Variants in PLXNA2 observed in about 807,000 individuals in gnomAD.
PLXNA2 encodes plexin A2, also known as plexin-A2.
A neutral mutation model predicts 193.5 loss-of-function variants in PLXNA2; 91 were observed. That is an observed-to-expected ratio of 0.47 (90% confidence interval 0.40 to 0.56). The LOEUF is 0.56. Among genes scored for constraint, PLXNA2 ranks in the 20% least tolerant of loss-of-function variants. PLXNA2 has a pLI of 0.00. For missense variants in PLXNA2, 1,995 were observed against 2,503.2 expected (o/e 0.80, Z 4.33); for synonymous variants, 997 against 1,027.3 (o/e 0.97, Z 0.56).
chr1:208,170,138 A>G lies in PLXNA2; in HGVS notation c.1372-27675T>C, dbSNP rs536389186. Among the ~76,000 whole-genome samples, 43 of 152,328 alleles carry G rather than the reference A, an allele frequency of 2.8e-4. No homozygotes were observed. In the Middle Eastern group the frequency reaches 0.014, roughly 48 times the overall value. ...TGATAGGTATATTGTTCTCAGCATC[A>G]CCAGACTGCCAGAGGCTGCTTAAGT... On this transcript the variant is annotated intron_variant, in intron 3 of 31. Transcript: ENST00000367033.
At chr1:208,147,195 A>AT (rs559940646) in intron 3 of PLXNA2, among the ~76,000 whole-genome samples, 27 of 148,714 alleles carry the variant, frequency 1.8e-4, no homozygotes, top group Middle Eastern at 3.4e-3. Flanking sequence ...CTACTTTTTA[A>AT]TTTTTTTTTT....
At chr1:208,133,731 T>G (rs1668225962) in intron 4 of PLXNA2, among the ~76,000 whole-genome samples, 1 of 152,252 alleles carries the variant, frequency 6.6e-6, no homozygotes, top group Non-Finnish European at 1.5e-5. Flanking sequence ...TGTTCACTCT[T>G]GTCTGTGCTG....
At chr1:208,105,402 G>C (rs1331515662) in intron 4 of PLXNA2, among the ~76,000 whole-genome samples, 1 of 152,234 alleles carries the variant, frequency 6.6e-6, no homozygotes, top group African/African-American at 2.4e-5. Context: ...CCAAAGGCTG[G>C]AAGAAAGGAT....
At chr1:208,052,012 A>G (rs6540451) in intron 15 of PLXNA2, among the ~76,000 whole-genome samples, 73,894 of 151,970 alleles carry the variant, frequency 0.49, 18,770 homozygotes, top group Non-Finnish European at 0.57. Context: ...GTGTTTTTCA[A>G]GTCACCATAG....
Position 208,124,618 on chromosome 1 carries a change from G to T in PLXNA2, c.1506+17711C>A, listed in dbSNP as rs557980710. ...CCCTTGAACCCGGTAGGCAGAGGTTGCAGTGAGCCAAGATCATGTGATTGC... is the reference window on the plus strand; with the variant it reads ...CCCTTGAACCCGGTAGGCAGAGGTTTCAGTGAGCCAAGATCATGTGATTGC... On this transcript the variant is annotated intron_variant, in intron 4 of 31. Coordinates refer to ENST00000367033, the MANE Select transcript of PLXNA2 (RefSeq NM_025179.4). 7.3e-4 allele frequency among the ~76,000 whole-genome samples: 105 copies of T among 143,516 alleles called. No individual in the cohort carries two copies. In the South Asian group the frequency reaches 0.02, roughly 27 times the overall value. 94.2% of individuals were successfully genotyped at this position (143,516 alleles called of 152,430 possible). A position where few individuals can be genotyped will look rare whatever the true frequency, so the allele number is the denominator to read the frequency against.
intron 3 of PLXNA2, among the ~76,000 whole-genome samples, chr1:208,174,511 C>T (rs1669599336): frequency 6.6e-6 from 1 of 151,972 alleles, no homozygotes. Context: ...ATGGAGGAGG[C>T]AGGCTGGAGG....
At position 208,068,171 on chromosome 1, in the gene PLXNA2, G is replaced by T. The variant is rs190314120; in HGVS notation, c.2587-7334C>A. ...TTCTTAGGAAACTAATCCTTAGCACGCTGCCTGGAACGAGTAACTGTCAAT... is the reference window on the plus strand; with the variant it reads ...TTCTTAGGAAACTAATCCTTAGCACTCTGCCTGGAACGAGTAACTGTCAAT... On this transcript the variant is annotated intron_variant, in intron 12 of 31. Transcript: ENST00000367033. 8.6e-4 allele frequency among the ~76,000 whole-genome samples: 131 copies of T among 152,262 alleles called. No homozygotes were observed. The South Asian group carries it at 0.012, about 13-fold the overall frequency.
At chr1:208,199,561 TGA>T (rs1670472460) in intron 3 of PLXNA2, among the ~76,000 whole-genome samples, 1 of 151,952 alleles carries the variant, frequency 6.6e-6, no homozygotes, top group Non-Finnish European at 1.5e-5. Context: ...CGTGGTGGCA[TGA>T]GCCTGTAATC....
chr1:208,234,363 G>C (rs1048900425), intron 1 of PLXNA2, among the ~76,000 whole-genome samples: 6 of 152,194 alleles, frequency 3.9e-5, no homozygotes, highest in African/African-American at 1.4e-4. Flanking sequence ...ATAATATTTA[G>C]AAAGGAAAAT....
chr1:208,095,883 C>T, intron 8 of PLXNA2, 146 bp downstream of exon 8: 1 of 696,204 alleles, frequency 1.4e-6, no homozygotes, highest in Non-Finnish European at 2.6e-6. Flanking sequence ...ACAGTGTACT[C>T]TGTCCAAACA....
chr1:208,141,605 G>A (rs1046161192), intron 4 of PLXNA2, among the ~76,000 whole-genome samples: 1 of 152,134 alleles, frequency 6.6e-6, no homozygotes, highest in Non-Finnish European at 1.5e-5. Context: ...GAATGTGTCC[G>A]GCTTGGCTAA....
intron 3 of PLXNA2, among the ~76,000 whole-genome samples, chr1:208,185,233 T>G (rs1669958007): frequency 6.6e-6 from 1 of 152,098 alleles, no homozygotes; most frequent in South Asian, 2.1e-4. Flanking sequence ...GTCCAGGAGG[T>G]GGGGCCTCTC....
chr1:208,117,493 C>G (rs951088287), intron 4 of PLXNA2, among the ~76,000 whole-genome samples: 15 of 152,224 alleles, frequency 9.9e-5, no homozygotes, highest in African/African-American at 2.9e-4. Context: ...AAAAGACCCC[C>G]TGGAGGTGGT....
rs140261360 is a variant in PLXNA2 at position 208,200,216 on chromosome 1, C to T, written c.1371+10064G>A. On this transcript the variant is annotated intron_variant, in intron 3 of 31. Coordinates refer to ENST00000367033, the MANE Select transcript of PLXNA2 (RefSeq NM_025179.4). ...TCTTTCCCACCTTGGAGCCTAGAAA[C>T]CTTTCTGGAGGCTGAGGCCAGGAGA... 3.2e-3 allele frequency among the ~76,000 whole-genome samples: 481 copies of T among 152,302 alleles called. 1 individual carries two copies. Among genetic ancestry groups the T allele is most frequent in the Middle Eastern group, 0.02 (6 of 294 alleles).
intron 1 of PLXNA2, among the ~76,000 whole-genome samples, chr1:208,225,323 G>A (rs1232038235): frequency 6.6e-6 from 1 of 152,108 alleles, no homozygotes; most frequent in Non-Finnish European, 1.5e-5. Flanking sequence ...GTTTTTTTGA[G>A]ACGGGGTCTC....
chr1:208,233,058 T>C (rs1671739424), intron 1 of PLXNA2, among the ~76,000 whole-genome samples: 1 of 152,304 alleles, frequency 6.6e-6, no homozygotes, highest in Non-Finnish European at 1.5e-5. Flanking sequence ...TCCCTAAATG[T>C]TGTAGAGCCC....
intron 17 of PLXNA2, among the ~76,000 whole-genome samples, chr1:208,050,624 G>C (rs1665225729): frequency 6.6e-6 from 1 of 152,192 alleles, no homozygotes; most frequent in Admixed American, 6.5e-5. Context: ...CTTGAGCCCA[G>C]GAGTTTGAGA....
intron 3 of PLXNA2, among the ~76,000 whole-genome samples, chr1:208,144,193 CTTA>C (rs1668539466): frequency 6.6e-6 from 1 of 152,216 alleles, no homozygotes; most frequent in Non-Finnish European, 1.5e-5. Flanking sequence ...GGCACCATGA[CTTA>C]TTCATCCCAA....
At chr1:208,184,423 A>G (rs1262319816) in intron 3 of PLXNA2, among the ~76,000 whole-genome samples, 1 of 130,786 alleles carries the variant, frequency 7.6e-6, no homozygotes, top group Non-Finnish European at 1.5e-5. Flanking sequence ...CCCCCTGCTT[A>G]AAAAAAAAAA....
Sources: gnomAD v4.1 joint callset for allele counts (sites outside exome capture counted in the v4.1 genomes callset) on GRCh38, gnomAD v4.1.1 for gene constraint, MANE v1.5 for transcripts, NCBI Gene and HGNC (gene_info 2026-07-23, HGNC 2026-07-21) for gene names.